The following PDE1C variants were observed in gnomAD, a reference collection of about 807,000 sequenced individuals.
PDE1C encodes phosphodiesterase 1C, also known as dual specificity calcium/calmodulin-dependent 3',5'-cyclic nucleotide phosphodiesterase 1C.
PDE1C carries 62 observed loss-of-function variants against 93.1 expected under a neutral mutation model. The ratio of observed to expected loss-of-function variants is 0.67; its 90% CI spans 0.54 to 0.82. The LOEUF is 0.82. Among genes scored for constraint, PDE1C ranks in the 40% least tolerant of loss-of-function variants. The pLI, the probability that PDE1C is intolerant of heterozygous loss-of-function variation, is 0.00. For missense variants in PDE1C, 742 were observed against 884.6 expected, an observed-to-expected ratio of 0.84 and a Z score of 2.04; for synonymous variants, 325 against 310.1, an observed-to-expected ratio of 1.05 and a Z score of -0.50.
chr7:31,731,967 A>T, the PDE1C span, among the ~76,000 whole-genome samples: 2 of 152,174 alleles, frequency 1.3e-5, no homozygotes, highest in Non-Finnish European at 2.9e-5. Flanking sequence ...GACTCGCCCC[A>T]TTGGAGGAGG....
chr7:32,046,883 C>A (rs927592709), intron 2 of PDE1C, among the ~76,000 whole-genome samples: 1 of 152,148 alleles, frequency 6.6e-6, no homozygotes, highest in Non-Finnish European at 1.5e-5. Flanking sequence ...TTTTAAGCCA[C>A]AACTCCAACT....
At chr7:31,733,764 G>A in the PDE1C span, among the ~76,000 whole-genome samples, 1 of 152,208 alleles carries the variant, frequency 6.6e-6, no homozygotes. Flanking sequence ...GGAGGCTGAG[G>A]AGGGTGGGTC....
At chr7:31,812,140 T>C (rs1482026755) in intron 15 of PDE1C, among the ~76,000 whole-genome samples, 3 of 152,136 alleles carry the variant, frequency 2.0e-5, no homozygotes, top group Admixed American at 2.0e-4. Context: ...ACCATTAGGC[T>C]TTCTTATTAT....
At chr7:32,285,109 T>C (rs1811916931) in intron 1 of PDE1C, among the ~76,000 whole-genome samples, 1 of 152,302 alleles carries the variant, frequency 6.6e-6, no homozygotes, top group Admixed American at 6.5e-5. Context: ...ATTGGAATCT[T>C]CGGAGCATGG....
intron 1 of PDE1C, among the ~76,000 whole-genome samples, chr7:32,241,637 G>C (rs555497541): frequency 1.3e-5 from 2 of 152,282 alleles, no homozygotes; most frequent in East Asian, 3.9e-4. Context: ...TCAATACATG[G>C]TTTCTTTTTA....
intron 3 of PDE1C, among the ~76,000 whole-genome samples, chr7:32,083,543 T>C (rs901703225): frequency 6.6e-6 from 1 of 151,988 alleles, no homozygotes; most frequent in Non-Finnish European, 1.5e-5. Context: ...CCAAGACACA[T>C]AATTGTCAGA....
intron 3 of PDE1C, among the ~76,000 whole-genome samples, chr7:32,102,323 G>T (rs1333856324): frequency 6.6e-6 from 1 of 152,162 alleles, no homozygotes; most frequent in Admixed American, 6.5e-5. Flanking sequence ...AAACCTCAAA[G>T]AACATCATCC....
the PDE1C span, among the ~76,000 whole-genome samples, chr7:31,716,867 A>G: frequency 6.6e-6 from 1 of 152,230 alleles, no homozygotes; most frequent in Non-Finnish European, 1.5e-5. Flanking sequence ...CACTGCCACC[A>G]TAGGAGAGAC....
At chr7:32,112,838 G>GTATATA (rs1798736843) in intron 3 of PDE1C, among the ~76,000 whole-genome samples, 1 of 61,320 alleles carries the variant, frequency 1.6e-5, no homozygotes. Context: ...GTGTGTGTGT[G>GTATATA]TGTGTGTGTA....
chr7:32,413,210 A>C (rs532784143), intron 1 of PDE1C, among the ~76,000 whole-genome samples: 1 of 152,290 alleles, frequency 6.6e-6, no homozygotes, highest in African/African-American at 2.4e-5. Flanking sequence ...CTTAATTTTA[A>C]ATGTACAAAA....
chr7:32,231,549 A>G (rs1807690916), intron 1 of PDE1C, among the ~76,000 whole-genome samples: 1 of 152,218 alleles, frequency 6.6e-6, no homozygotes, highest in Non-Finnish European at 1.5e-5. Context: ...AGGAAAAAGG[A>G]TACAAGAAAA....
At chr7:31,878,822 A>G (rs111581102) in intron 4 of PDE1C, among the ~76,000 whole-genome samples, 174 bp downstream of exon 4, 106 of 152,378 alleles carry the variant, frequency 7.0e-4, no homozygotes, top group African/African-American at 2.4e-3. Flanking sequence ...ATGATGCTAC[A>G]GAGATTAAAA....
the PDE1C span, among the ~76,000 whole-genome samples, chr7:31,696,479 A>T: frequency 6.6e-6 from 1 of 152,216 alleles, no homozygotes. Flanking sequence ...AGAGTTACTC[A>T]ATAATGGAGA....
chr7:32,287,690 G>C (rs1222564452), intron 1 of PDE1C, among the ~76,000 whole-genome samples: 2 of 152,360 alleles, frequency 1.3e-5, no homozygotes, highest in East Asian at 1.9e-4. Context: ...GAAAAGCAAA[G>C]GCCAGGTCAT....
chr7:32,068,536 G>A (rs922278325), intron 1 of PDE1C, among the ~76,000 whole-genome samples: 2 of 152,182 alleles, frequency 1.3e-5, no homozygotes, highest in African/African-American at 4.8e-5. Flanking sequence ...AAAAGCACTA[G>A]GTTCTGAGTA....
chr7:31,941,150 C>G (rs997060451), intron 2 of PDE1C: 1 of 152,160 alleles, frequency 6.6e-6, no homozygotes, highest in East Asian at 2.0e-4. Flanking sequence ...GATCTGAGCT[C>G]TGGCTACCCT....
At chr7:31,856,016 G>C (rs927774715) in intron 7 of PDE1C, among the ~76,000 whole-genome samples, 7 of 152,076 alleles carry the variant, frequency 4.6e-5, no homozygotes, top group African/African-American at 1.7e-4. Flanking sequence ...ATTCTGAAAG[G>C]ATCCAAGTAT....
At chr7:31,651,853 G>T in the PDE1C span, 3 of 887,902 alleles carry the variant, frequency 3.4e-6, no homozygotes, top group African/African-American at 5.0e-5. Context: ...AATTGCAAAG[G>T]AAGAACCTAT....
chr7:31,959,601 G>A, intron 2 of PDE1C, among the ~76,000 whole-genome samples: 1 of 152,138 alleles, frequency 6.6e-6, no homozygotes, highest in East Asian at 1.9e-4. Flanking sequence ...ATGGTGACAG[G>A]AAATTGATAG....
Sources: gnomAD v4.1 joint callset for allele counts (sites outside exome capture counted in the v4.1 genomes callset) on GRCh38, gnomAD v4.1.1 for gene constraint, MANE v1.5 for transcripts, NCBI Gene and HGNC (gene_info 2026-07-23, HGNC 2026-07-21) for gene names.